The following TENT5B variants were observed in gnomAD, a reference collection of about 807,000 sequenced individuals.
TENT5B encodes family with sequence similarity 46 member B.
A neutral mutation model predicts 21.7 loss-of-function variants in TENT5B; 12 were observed. The observed-to-expected ratio is 0.55, with a 90% confidence interval of 0.36 to 0.90. The LOEUF (loss-of-function observed/expected upper bound fraction) is 0.90, where lower values mean the gene tolerates loss of function less well. Among genes scored for constraint, TENT5B ranks in the 40% least tolerant of loss-of-function variants. The probability of loss-of-function intolerance (pLI) is 0.01; values close to 1 mark genes in which losing one functional copy is unlikely to be tolerated. For synonymous variants in TENT5B, 262 were observed against 266.6 expected (o/e 0.98, Z 0.17); for missense variants, 540 against 601.5 (o/e 0.90, Z 1.07).
intron 1 of TENT5B, among the ~76,000 whole-genome samples, chr1:27,007,766 C>T (rs931682040): frequency 2.6e-5 from 4 of 152,176 alleles, no homozygotes; most frequent in Non-Finnish European, 4.4e-5. Context: ...ACTGCTCAAA[C>T]GTGTTGGGAA....
chr1:27,007,031 T>C (rs2082603324), intron 1 of TENT5B, 74 bp from the exon 2 acceptor site: 1 of 1,331,258 alleles, frequency 7.5e-7, no homozygotes, highest in Non-Finnish European at 9.9e-7. Flanking sequence ...CGTTTACTTA[T>C]CACGGTAACT....
Position 27,006,693 on chromosome 1 carries a change from G to C in TENT5B, c.529C>G (p.Leu177Val), listed in dbSNP as rs1034034051. ...TCCGAGTCTGTGCACACTTTCACCA[G>C]CTTCTGCACGTATGCCTCCTTGAGT... ...LTLKEAYVQKLVKVCTDSDRW... is the reference protein window; with the variant it reads ...LTLKEAYVQKVVKVCTDSDRW... The change falls in exon 2 of 2, where the codon CTG (leucine) becomes GTG (valine). Residue 177 changes from leucine to valine, a missense_variant. Leu to Val is a conservative substitution (Grantham distance 32). Transcript: ENST00000289166. The surrounding 1 kb of genome is among the most constrained non-coding windows in gnomAD (Gnocchi z 9.4). The C allele has an allele frequency of 1.9e-6, 3 of 1,614,166 alleles. No homozygotes were observed. In the African/African-American group the frequency reaches 4.0e-5, roughly 22 times the overall value.
chr1:27,012,386 C>A, intron 1 of TENT5B, 21 bp downstream of exon 1: 1 of 1,605,666 alleles, frequency 6.2e-7, no homozygotes, highest in Middle Eastern at 1.7e-4. Context: ...CCCCCACATC[C>A]CCCGCCTGGC....
intron 1 of TENT5B, 35 bp downstream of exon 1, chr1:27,012,372 G>A (rs1209206096): frequency 6.3e-7 from 1 of 1,598,250 alleles, no homozygotes; most frequent in Non-Finnish European, 8.5e-7. Flanking sequence ...CCTCAGAAGG[G>A]ATTCCCCCAC....
Position 27,006,727 on chromosome 1 carries a change from C to T in TENT5B, c.495G>A (p.Thr165=), listed in dbSNP as rs765170340. ...CGTATGCCTCCTTGAGTGTCAGTGGCGTGATCTTGGCCCGGCTCACACCGG... is the reference window on the plus strand; with the variant it reads ...CGTATGCCTCCTTGAGTGTCAGTGGTGTGATCTTGGCCCGGCTCACACCGG... ...LPAGVSRAKI[T]PLTLKEAYVQ... is the part of the protein sequence containing the mutation. Residue 165 remains threonine, a synonymous_variant, in exon 2 of 2, where the codon ACG becomes ACA. Transcript: ENST00000289166. The surrounding 1 kb of genome is among the most constrained non-coding windows in gnomAD (Gnocchi z 9.4). The T allele has an allele frequency of 5.0e-6, 8 of 1,613,888 alleles. No homozygotes were observed. Among genetic ancestry groups the T allele is most frequent in the Non-Finnish European group, 5.9e-6 (7 of 1,180,012 alleles).
chr1:27,008,855 G>A lies in TENT5B; in HGVS notation c.265-1898C>T, dbSNP rs530825862. Reference sequence around the variant, plus strand: ...GACCTCAGGTGATCCACCTGCCGCAGCTTCCCGAAGTACTGGGATTACAGG... The same window carrying A: ...GACCTCAGGTGATCCACCTGCCGCAACTTCCCGAAGTACTGGGATTACAGG... On this transcript the variant is annotated intron_variant, in intron 1 of 1. Coordinates refer to ENST00000289166, the MANE Select transcript of TENT5B (RefSeq NM_052943.4). 6.5e-4 allele frequency among the ~76,000 whole-genome samples: 98 copies of A among 150,670 alleles called. 1 individual carries two copies. The highest frequency in any genetic ancestry group is 6.5e-3 in the Admixed American group (98 of 15,114).
At chr1:27,012,346 CT>C in intron 1 of TENT5B, 60 bp downstream of exon 1, 1 of 1,565,160 alleles carries the variant, frequency 6.4e-7, no homozygotes, top group Non-Finnish European at 8.6e-7. Context: ...CTACAAATGC[CT>C]TCCAGCCACG....
Position 27,012,487 on chromosome 1 carries a change from C to T in TENT5B, c.184G>A (p.Ala62Thr). The change falls in exon 1 of 2, where the codon GCT becomes ACT. Residue 62 changes from alanine to threonine, a missense_variant. Transcript: ENST00000289166. ...ATGGGAATCGGCTCGCTCAGAAGAGCGTCCAGTCGCTTCACCTGTGGCCAG... is the reference window on the plus strand; with the variant it reads ...ATGGGAATCGGCTCGCTCAGAAGAGTGTCCAGTCGCTTCACCTGTGGCCAG... ...LSWPQVKRLD[A>T]LLSEPIPIHG... is the part of the protein sequence containing the mutation. 6.2e-7 allele frequency: 1 copy of T among 1,609,730 alleles called. No homozygotes were observed. Among genetic ancestry groups the T allele is most frequent in the Non-Finnish European group, 8.5e-7 (1 of 1,179,510 alleles).
In TENT5B at chr1:27,005,748, T is replaced by G. The variant is rs2082593041; in HGVS notation, c.*196A>C. The G allele has an allele frequency of 1.5e-6, 1 of 647,908 alleles. No individual in the cohort carries two copies. The highest frequency in any genetic ancestry group is 3.4e-5 in the South Asian group (1 of 29,482). 40.1% of individuals were successfully genotyped at this position (647,908 alleles called of 1,614,324 possible). The stretch of plus-strand genomic sequence containing the variant: ...TGCAATAACCAAAGGGTCCTCCTGC[T>G]GAGAGCCCCAGGCTGGCATTAAGCC... On this transcript the variant is annotated 3_prime_UTR_variant, in exon 2 of 2. Transcript: ENST00000289166.
chr1:27,008,020 C>T (rs2082608778), intron 1 of TENT5B, among the ~76,000 whole-genome samples: 1 of 152,096 alleles, frequency 6.6e-6, no homozygotes, highest in African/African-American at 2.4e-5. Context: ...AAATTATATA[C>T]TTTTTTTGCT....
chr1:27,010,747 A>G (rs1015455486), intron 1 of TENT5B, among the ~76,000 whole-genome samples: 4 of 152,112 alleles, frequency 2.6e-5, no homozygotes, highest in African/African-American at 9.7e-5. Context: ...GTTCTGTGCT[A>G]TCTCTGACCC....
chr1:27,006,869 T>C lies in TENT5B; in HGVS notation c.353A>G (p.Glu118Gly), dbSNP rs1246446056. The stretch of plus-strand genomic sequence containing the variant: ...CAGATCCTTGTAGCCCAGGCCACTC[T>C]CAGGGTGCAGCACGTGGCTGGCAGC... ...GSAASHVLHP[E>G]SGLGYKDLDL... is the part of the protein sequence containing the mutation. Residue 118 changes from glutamate (E) to glycine (G), a missense_variant, in exon 2 of 2, where the codon GAG (glutamate) becomes GGG (glycine). Transcript: ENST00000289166. The surrounding 1 kb of genome is among the most constrained non-coding windows in gnomAD (Gnocchi z 9.4). 1.2e-6 allele frequency: 2 copies of C among 1,613,938 alleles called. No homozygotes were observed. The highest frequency in any genetic ancestry group is 8.5e-7 in the Non-Finnish European group (1 of 1,180,020).
intron 1 of TENT5B, among the ~76,000 whole-genome samples, chr1:27,011,825 G>T (rs2082624725): frequency 6.6e-6 from 1 of 152,134 alleles, no homozygotes. Flanking sequence ...TATCAGGTCT[G>T]ACCTTCGGCT....
chr1:27,006,830 C>G lies in TENT5B; in HGVS notation c.392G>C (p.Arg131Pro), dbSNP rs754321423. The G allele has an allele frequency of 6.2e-7, 1 of 1,614,082 alleles. No individual in the cohort carries two copies. The highest frequency in any genetic ancestry group is 8.5e-7 in the Non-Finnish European group (1 of 1,180,046). The stretch of plus-strand genomic sequence containing the variant: ...GGATGCCTCACTGCGCAGGTCCACC[C>G]GGAACACCAGGTCCAGATCCTTGTA... Reference protein sequence around the residue: ...LGYKDLDLVFRVDLRSEASFQ... With the variant: ...LGYKDLDLVFPVDLRSEASFQ... Residue 131 changes from arginine to proline, a missense_variant, in exon 2 of 2, where the codon CGG becomes CCG. Physicochemically the swap from Arg to Pro is moderately radical, Grantham distance 103. Transcript: ENST00000289166. This position sits in a 1 kb window ranked among gnomAD's most constrained non-coding sequence, Gnocchi z 9.4.
Position 27,006,427 on chromosome 1 carries a change from G to T in TENT5B, c.795C>A (p.Val265=). Residue 265 remains valine, a synonymous_variant, in exon 2 of 2, where the codon GTC becomes GTA. Coordinates refer to ENST00000289166, the MANE Select transcript of TENT5B (RefSeq NM_052943.4). This position sits in a 1 kb window ranked among gnomAD's most constrained non-coding sequence, Gnocchi z 9.4. ...TEALEHLRHR[V]IATRSPEEIR... ...TCTCCTCGGGACTGCGCGTGGCGAT[G>T]ACACGGTGCCGCAGGTGCTCCAGGG... 2 of 1,613,562 alleles carry T rather than the reference G, an allele frequency of 1.2e-6. No individual in the cohort carries two copies. Among genetic ancestry groups the T allele is most frequent in the Non-Finnish European group, 1.7e-6 (2 of 1,179,878 alleles).
In TENT5B at chr1:27,005,118, CA is replaced by C. The variant is rs2082590186; in HGVS notation, c.*825del. 6.6e-6 allele frequency: 1 copy of C among 152,664 alleles called. No homozygotes were observed. The highest frequency in any genetic ancestry group is 2.1e-4 in the South Asian group (1 of 4,830). 9.5% of individuals were successfully genotyped at this position (152,664 alleles called of 1,614,324 possible). A position where few individuals can be genotyped will look rare whatever the true frequency, so the allele number is the denominator to read the frequency against. On this transcript the variant is annotated 3_prime_UTR_variant, in exon 2 of 2. Coordinates refer to ENST00000289166, the MANE Select transcript of TENT5B (RefSeq NM_052943.4). The stretch of plus-strand genomic sequence containing the variant: ...GGGTGGGAGTATGGCTCCCCTACCC[CA>C]TGTGAGAGCCCTGTAACCAAGCCAG...
In TENT5B at chr1:27,005,937, G is replaced by T. The variant is rs551825836; in HGVS notation, c.*7C>A. 1.5e-5 allele frequency: 24 copies of T among 1,550,770 alleles called. No homozygotes were observed. In the East Asian group the frequency reaches 5.2e-4, roughly 34 times the overall value. On this transcript the variant is annotated 3_prime_UTR_variant, in exon 2 of 2. Coordinates refer to ENST00000289166, the MANE Select transcript of TENT5B (RefSeq NM_052943.4). Reference sequence around the variant, plus strand: ...CCCAGTCCCTTCCCTTCTGGCCAGGGTCTGAGTCAGTTACAAGGCAGCCAG... The same window carrying T: ...CCCAGTCCCTTCCCTTCTGGCCAGGTTCTGAGTCAGTTACAAGGCAGCCAG...
rs763853663 is a variant in TENT5B, at chr1:27,006,063, C to T, written c.1159G>A (p.Ala387Thr). 14 of 1,611,554 alleles carry T rather than the reference C, an allele frequency of 8.7e-6. No individual in the cohort carries two copies. Among genetic ancestry groups the T allele is most frequent in the East Asian group, 2.2e-5 (1 of 44,850 alleles). Reference sequence around the variant, plus strand: ...GTGCCTGGAGGGCGCCAGGCCAGGGCGGCAGTGGCAGCTGGGCCCTGCTCA... The same window carrying T: ...GTGCCTGGAGGGCGCCAGGCCAGGGTGGCAGTGGCAGCTGGGCCCTGCTCA... ...LAEQGPAATA[A>T]LAWRPPGTDG... The change falls in exon 2 of 2, where the codon GCC becomes ACC. Residue 387 changes from alanine to threonine, a missense_variant. By Grantham distance (58) the Ala-to-Thr change is moderately conservative. Transcript: ENST00000289166. This position sits in a 1 kb window ranked among gnomAD's most constrained non-coding sequence, Gnocchi z 9.4.
intron 1 of TENT5B, among the ~76,000 whole-genome samples, chr1:27,010,735 C>G (rs1477672480): frequency 6.6e-6 from 1 of 152,224 alleles, no homozygotes; most frequent in African/African-American, 2.4e-5. Flanking sequence ...CGACAGCTCC[C>G]TGTTCTGTGC....
Sources: allele counts gnomAD v4.1 joint callset (sites outside exome capture counted in the v4.1 genomes callset), GRCh38; gene constraint gnomAD v4.1.1; non-coding constraint Gnocchi (gnomAD v3.1); transcripts MANE v1.5; gene names NCBI Gene and HGNC (gene_info 2026-07-23, HGNC 2026-07-21).